PCM1: variants seen among roughly 807,000 people sequenced by gnomAD.
PCM1 encodes the protein pericentriolar material 1 protein.
PCM1 carries 157 observed loss-of-function variants against 241.9 expected under a neutral mutation model. That is an observed-to-expected ratio of 0.65 (90% CI 0.57 to 0.74). The LOEUF is 0.74. Among genes scored for constraint, PCM1 ranks in the 30% least tolerant of loss-of-function variants. The pLI, the probability that PCM1 is intolerant of heterozygous loss-of-function variation, is 0.00. For synonymous variants in PCM1, 1,085 were observed against 784.9 expected (o/e 1.38, Z -6.39); for missense variants, 3,478 against 2,360.1 (o/e 1.47, Z -9.81).
At chr8:18,023,371 C>A (rs781683408) in intron 36 of PCM1, among the ~76,000 whole-genome samples, 1 of 152,054 alleles carries the variant, frequency 6.6e-6, no homozygotes, top group Non-Finnish European at 1.5e-5. Flanking sequence ...GGTAAGATCG[C>A]TTTTTCTTTA....
At chr8:17,960,550 A>T (rs1375192471) in intron 15 of PCM1, 106 bp downstream of exon 15, 10 of 253,882 alleles carry the variant, frequency 3.9e-5, no homozygotes, top group Non-Finnish European at 5.3e-5. Context: ...TTTGAGGCAG[A>T]GTCTCACTCT....
chr8:17,958,970 C>T lies in PCM1; in HGVS notation c.2041-1044C>T, dbSNP rs1407360621. Among the ~76,000 whole-genome samples the T allele has an allele frequency of 3.9e-5, 6 of 152,152 alleles. 1 individual carries two copies. The highest frequency in any genetic ancestry group is 8.8e-5 in the Non-Finnish European group (6 of 68,024). On this transcript the variant is annotated intron_variant, in intron 13 of 38. Coordinates refer to ENST00000325083, the MANE Select transcript of PCM1 (RefSeq NM_006197.4). ...CTCCTGGCCTCAGGCAGTTCACCCA[C>T]CTTGGCTTCCCAAAGTGCTCAGATT...
At chr8:18,015,691 T>A (rs1420832165) in intron 36 of PCM1, 2 of 152,162 alleles carry the variant, frequency 1.3e-5, no homozygotes, top group African/African-American at 4.8e-5. Context: ...AAAATTTTAT[T>A]GTGTCTCAGA....
chr8:17,948,276 A>G (rs2064588184), intron 7 of PCM1, among the ~76,000 whole-genome samples: 1 of 119,228 alleles, frequency 8.4e-6, no homozygotes, highest in Non-Finnish European at 1.8e-5. Flanking sequence ...AAGGAACGTT[A>G]TGACTTTCAA....
At chr8:17,939,661 C>T in intron 5 of PCM1, 30 bp from the exon 6 acceptor site, 1 of 1,396,462 alleles carries the variant, frequency 7.2e-7, no homozygotes, top group East Asian at 2.5e-5. Context: ...TACTTTCATG[C>T]TTTTTTTAAA....
At chr8:17,979,972 C>T (rs548340224) in intron 23 of PCM1, among the ~76,000 whole-genome samples, 27 of 151,690 alleles carry the variant, frequency 1.8e-4, no homozygotes, top group Non-Finnish European at 3.5e-4. Flanking sequence ...AAGTAAAACC[C>T]CAAATATTGG....
Position 17,937,370 on chromosome 8 carries a change from T to A in PCM1, c.333T>A (p.Asp111Glu), listed in dbSNP as rs1216990661. Residue 111 changes from aspartate (D) to glutamate (E), a missense_variant, in exon 4 of 39, where the codon GAT (aspartate) becomes GAA (glutamate). Physicochemically the swap from Asp to Glu is conservative, Grantham distance 45 (BLOSUM62 2). Coordinates refer to ENST00000325083, the MANE Select transcript of PCM1 (RefSeq NM_006197.4). Reference sequence around the variant, plus strand: ...TGAAACAGCGGATAAACTTCAGTGATTTAGATCAGGTTTGTGAATTATTTT... The same window carrying A: ...TGAAACAGCGGATAAACTTCAGTGAATTAGATCAGGTTTGTGAATTATTTT... ...EKLKQRINFS[D>E]LDQRSIGSDS... is the part of the protein sequence containing the mutation. 6.3e-7 allele frequency: 1 copy of A among 1,592,526 alleles called. No homozygotes were observed. Among genetic ancestry groups the A allele is most frequent in the Non-Finnish European group, 8.5e-7 (1 of 1,170,706 alleles).
In PCM1 at chr8:17,966,445, C is replaced by T. The variant is rs768321323; in HGVS notation, c.3193C>T (p.Leu1065=). Residue 1065 remains leucine, a synonymous_variant, in exon 20 of 39, where the codon CTA becomes TTA. Transcript: ENST00000325083. ...MHQLNQCYTQ[L]TWQQNNVQRL... Reference sequence around the variant, plus strand: ...CCAGTTGAACCAGTGCTATACTCAGCTAACATGGCAACAGAATAATGTTCA... The same window carrying T: ...CCAGTTGAACCAGTGCTATACTCAGTTAACATGGCAACAGAATAATGTTCA... 6.2e-7 allele frequency: 1 copy of T among 1,613,574 alleles called. No individual in the cohort carries two copies. Among genetic ancestry groups the T allele is most frequent in the East Asian group, 2.2e-5 (1 of 44,876 alleles).
At position 18,028,439 on chromosome 8, in the gene PCM1, G is replaced by T. The variant is rs1055642037; in HGVS notation, c.*777G>T. The stretch of plus-strand genomic sequence containing the variant: ...TTCTGCACAGAGAAGTAACATTGTG[G>T]TTAATTTTAAATGAAAAACTTAACT... On this transcript the variant is annotated 3_prime_UTR_variant, in exon 39 of 39. Coordinates refer to ENST00000325083, the MANE Select transcript of PCM1 (RefSeq NM_006197.4). 6 of 193,148 alleles carry T rather than the reference G, an allele frequency of 3.1e-5. No individual in the cohort carries two copies. The highest frequency in any genetic ancestry group is 1.4e-4 in the African/African-American group (6 of 43,056). The allele number at this position is 193,148 out of a possible 1,614,324, so 12.0% of individuals were successfully genotyped here.
At chr8:17,963,380 C>T in intron 17 of PCM1, 89 bp downstream of exon 17, 2 of 885,556 alleles carry the variant, frequency 2.3e-6, no homozygotes, top group Admixed American at 3.0e-5. Context: ...TCCTCTACAT[C>T]ACAGCACAAA....
chr8:17,955,588 T>A lies in PCM1; in HGVS notation c.1407T>A (p.Thr469=). The A allele has an allele frequency of 6.2e-7, 1 of 1,613,782 alleles. No individual in the cohort carries two copies. The highest frequency in any genetic ancestry group is 2.2e-5 in the East Asian group (1 of 44,874). The change falls in exon 10 of 39, where the codon ACT becomes ACA. Residue 469 remains threonine (T), a synonymous_variant. Transcript: ENST00000325083. The part of the protein sequence containing the change: ...NSLTSSVPYP[T]ASLVSQNESE... ...TCACATCATCTGTTCCTTATCCTAC[T>A]GCTTCTCTAGTATCTCAGAATGAGA... is the stretch of plus-strand genomic sequence containing the variant.
At chr8:17,999,260 C>T (rs2088279302) in intron 29 of PCM1, among the ~76,000 whole-genome samples, 1 of 152,062 alleles carries the variant, frequency 6.6e-6, no homozygotes, top group Admixed American at 6.6e-5. Flanking sequence ...TTGGATCTCA[C>T]CTGAAGCCAG....
chr8:17,941,253 T>C (rs1197636815), intron 6 of PCM1, among the ~76,000 whole-genome samples: 1 of 152,120 alleles, frequency 6.6e-6, no homozygotes, highest in East Asian at 1.9e-4. Flanking sequence ...AGGAATTCTG[T>C]TGGGGAGGAG....
At chr8:17,995,075 G>A (rs1264929175) in intron 29 of PCM1, among the ~76,000 whole-genome samples, 4 of 151,294 alleles carry the variant, frequency 2.6e-5, no homozygotes, top group Non-Finnish European at 4.4e-5. Context: ...CAGTGCTTGT[G>A]GGGTATCACT....
rs2055114781 is a variant in PCM1, at chr8:17,923,019, G to A, written c.-260G>A. On this transcript the variant is annotated 5_prime_UTR_variant, in exon 1 of 39. Transcript: ENST00000325083. Reference sequence around the variant, plus strand: ...AGATCCTAAGATGGCGGTGGCTGCGGCGGTTGGCGCTGCGTAGCTGAGGTC... The same window carrying A: ...AGATCCTAAGATGGCGGTGGCTGCGACGGTTGGCGCTGCGTAGCTGAGGTC... 6.5e-6 allele frequency: 1 copy of A among 152,850 alleles called. No homozygotes were observed. Among genetic ancestry groups the A allele is most frequent in the Non-Finnish European group, 1.5e-5 (1 of 68,572 alleles). The allele number at this position is 152,850 out of a possible 1,614,324, so 9.5% of individuals were successfully genotyped here.
chr8:17,967,227 A>G (rs2075204213), intron 21 of PCM1, 57 bp downstream of exon 21: 32 of 1,240,788 alleles, frequency 2.6e-5, no homozygotes, highest in Non-Finnish European at 3.6e-5. Context: ...GGAACAACGT[A>G]ATTTGTCTAT....
intron 22 of PCM1, among the ~76,000 whole-genome samples, chr8:17,970,063 G>T (rs1198363589): frequency 6.6e-6 from 1 of 152,182 alleles, no homozygotes; most frequent in Non-Finnish European, 1.5e-5. Context: ...TTAACTGCTA[G>T]AAGATAGTTG....
Position 17,959,157 on chromosome 8 carries a change from G to GT in PCM1, c.2041-852dup, listed in dbSNP as rs1333410901. Among the ~76,000 whole-genome samples the GT allele has an allele frequency of 3.3e-5, 5 of 151,846 alleles. No individual in the cohort carries two copies. The South Asian group carries it at 8.4e-4, about 25-fold the overall frequency. On this transcript the variant is annotated intron_variant, in intron 13 of 38. Transcript: ENST00000325083. ...ATGACGTTTTGTGGTATGTTTCTTT[G>GT]TTTTTACAAACTGTATATATAATAC...
rs760928956 is a variant in PCM1, at chr8:17,966,119, C to T, written c.2976C>T (p.Tyr992=). 10 of 1,612,064 alleles carry T rather than the reference C, an allele frequency of 6.2e-6. No homozygotes were observed. Among genetic ancestry groups the T allele is most frequent in the East Asian group, 2.2e-5 (1 of 44,870 alleles). ...ENLRWVSELS[Y]VEEKEQWQEQ... is the part of the protein sequence containing the mutation. ...TTCGTTGGGTGTCAGAGCTCTCTTA[C>T]GTAGAAGAGAAAGAACAATGGCAAG... is the stretch of plus-strand genomic sequence containing the variant. Residue 992 remains tyrosine, a synonymous_variant, in exon 19 of 39, where the codon TAC becomes TAT. Coordinates refer to ENST00000325083, the MANE Select transcript of PCM1 (RefSeq NM_006197.4).
Sources: allele counts gnomAD v4.1 joint callset (sites outside exome capture counted in the v4.1 genomes callset), GRCh38; gene constraint gnomAD v4.1.1; transcripts MANE v1.5; gene names NCBI Gene and HGNC (gene_info 2026-07-23, HGNC 2026-07-21).